Variants in CTNNA3 observed in about 807,000 individuals in gnomAD.
CTNNA3 encodes catenin alpha 3, also known as catenin alpha-3.
In CTNNA3, 76 loss-of-function variants were observed where a neutral mutation model predicts 95.7. That is an observed-to-expected ratio of 0.79 (90% CI 0.66 to 0.96). The LOEUF (loss-of-function observed/expected upper bound fraction) is 0.96. Among genes scored for constraint, CTNNA3 ranks in the 40% least tolerant of loss-of-function variants. CTNNA3 has a pLI of 0.00. For synonymous variants in CTNNA3, 431 were observed against 374.4 expected (o/e 1.15, Z -1.74); for missense variants, 1,191 against 1,089.8 (o/e 1.09, Z -1.31).
At chr10:65,956,736 C>T (rs1241303595) in intron 17 of CTNNA3, among the ~76,000 whole-genome samples, 5 of 152,202 alleles carry the variant, frequency 3.3e-5, no homozygotes, top group Admixed American at 6.5e-5. Context: ...AGTTTGATTG[C>T]ACTGTGGTCT....
At chr10:67,062,338 T>G (rs1211406548) in intron 7 of CTNNA3, among the ~76,000 whole-genome samples, 1 of 152,204 alleles carries the variant, frequency 6.6e-6, no homozygotes, top group Non-Finnish European at 1.5e-5. Context: ...CTTCTGTACA[T>G]GCCAGCAGTG....
chr10:66,697,397 C>A (rs554854869), intron 9 of CTNNA3, among the ~76,000 whole-genome samples: 5 of 148,312 alleles, frequency 3.4e-5, no homozygotes, highest in Admixed American at 1.3e-4. Context: ...CGCACACATA[C>A]AAACCTCCAA....
intron 7 of CTNNA3, among the ~76,000 whole-genome samples, chr10:67,164,090 A>T (rs888617411): frequency 2.9e-5 from 2 of 69,162 alleles, no homozygotes; most frequent in African/African-American, 8.9e-4. Context: ...AAAACCTAAG[A>T]AAAAAATTTT....
At chr10:67,310,414 T>C (rs1212439050) in intron 5 of CTNNA3, among the ~76,000 whole-genome samples, 6 of 152,184 alleles carry the variant, frequency 3.9e-5, no homozygotes, top group Non-Finnish European at 5.9e-5. Context: ...AACTTCTTTT[T>C]AAAAGCAAAG....
chr10:67,165,484 T>C (rs1162190237), intron 7 of CTNNA3, among the ~76,000 whole-genome samples: 3 of 152,210 alleles, frequency 2.0e-5, no homozygotes, highest in African/African-American at 7.2e-5. Context: ...ATATATGTGA[T>C]AAAACTATAT....
intron 1 of CTNNA3, among the ~76,000 whole-genome samples, chr10:67,739,888 T>C (rs1230912673): frequency 5.9e-5 from 9 of 152,094 alleles, no homozygotes; most frequent in Admixed American, 3.3e-4. Flanking sequence ...GGAGGCATCG[T>C]GCTACCTGAC....
intron 9 of CTNNA3, among the ~76,000 whole-genome samples, chr10:66,760,336 C>G (rs964953828): frequency 6.6e-6 from 1 of 152,150 alleles, no homozygotes. Context: ...TCAACTGCCT[C>G]TATCCCATCT....
chr10:67,385,696 T>C (rs1177384422), intron 5 of CTNNA3, among the ~76,000 whole-genome samples: 2 of 152,196 alleles, frequency 1.3e-5, no homozygotes, highest in East Asian at 3.8e-4. Flanking sequence ...CAAGGCTGCA[T>C]GTGAAACTTG....
At chr10:66,577,915 A>G (rs1843057619) in intron 10 of CTNNA3, among the ~76,000 whole-genome samples, 1 of 152,002 alleles carries the variant, frequency 6.6e-6, no homozygotes, top group Non-Finnish European at 1.5e-5. Context: ...TTTTGGCAGT[A>G]TGGTCACTTT....
chr10:67,372,001 C>G lies in CTNNA3; in HGVS notation c.579+149841G>C, dbSNP rs538449918. Among the ~76,000 whole-genome samples, 11 of 151,370 alleles carry G rather than the reference C, an allele frequency of 7.3e-5. No homozygotes were observed. The South Asian group carries it at 8.4e-4, about 12-fold the overall frequency. On this transcript the variant is annotated intron_variant, in intron 5 of 17. Transcript: ENST00000433211. ...CCAGTGATGATGAGCATTTTTTCAT[C>G]TGTCTGTTGGCTGCATAAATGTCTT...
At chr10:67,585,467 C>G (rs1195408220) in intron 3 of CTNNA3, among the ~76,000 whole-genome samples, 1 of 152,008 alleles carries the variant, frequency 6.6e-6, no homozygotes, top group African/African-American at 2.4e-5. Context: ...TGGTCCTGGG[C>G]TTTTCTTTTG....
intron 3 of CTNNA3, among the ~76,000 whole-genome samples, chr10:67,577,684 GTA>G (rs1323418233): frequency 3.5e-5 from 5 of 142,716 alleles, no homozygotes; most frequent in African/African-American, 1.4e-4. Flanking sequence ...GTGTGTATGT[GTA>G]TATATATACA....
chr10:66,936,298 A>G (rs1847689197), intron 7 of CTNNA3, among the ~76,000 whole-genome samples: 1 of 152,094 alleles, frequency 6.6e-6, no homozygotes, highest in South Asian at 2.1e-4. Flanking sequence ...CCAAAAGCTC[A>G]CATTATACGT....
chr10:67,257,619 C>T (rs1297019579), intron 5 of CTNNA3, among the ~76,000 whole-genome samples: 1 of 152,138 alleles, frequency 6.6e-6, no homozygotes, highest in African/African-American at 2.4e-5. Context: ...CCACAAAACG[C>T]AAGTACAAAG....
At chr10:67,065,365 C>A (rs558870724) in intron 7 of CTNNA3, among the ~76,000 whole-genome samples, 1 of 152,100 alleles carries the variant, frequency 6.6e-6, no homozygotes, top group South Asian at 2.1e-4. Context: ...AATGAGGAGG[C>A]TTTATAATTA....
intron 13 of CTNNA3, among the ~76,000 whole-genome samples, chr10:66,143,861 A>C (rs2083739219): frequency 6.6e-6 from 1 of 152,178 alleles, no homozygotes; most frequent in South Asian, 2.1e-4. Flanking sequence ...TTTATCTTAA[A>C]ACTTTAAACC....
At chr10:67,752,963 A>C (rs1195143540) in intron 1 of CTNNA3, among the ~76,000 whole-genome samples, 1 of 152,218 alleles carries the variant, frequency 6.6e-6, no homozygotes, top group African/African-American at 2.4e-5. Context: ...AAAAATTAGA[A>C]AAAACTACTT....
At chr10:66,436,522 TTTTTGC>T (rs1420527647) in intron 11 of CTNNA3, among the ~76,000 whole-genome samples, 4 of 126,316 alleles carry the variant, frequency 3.2e-5, no homozygotes, top group African/African-American at 1.7e-4. Context: ...TTTTTTTTTT[TTTTTGC>T]TTTCTATTTG....
chr10:67,539,729 T>G (rs557471232), intron 3 of CTNNA3, 60 bp from the exon 4 acceptor site: 1 of 1,480,476 alleles, frequency 6.8e-7, no homozygotes, highest in Non-Finnish European at 9.3e-7. Context: ...TATTTCAGGA[T>G]TTATCAGCTA....
Sources: allele counts gnomAD v4.1 joint callset (sites outside exome capture counted in the v4.1 genomes callset), GRCh38; gene constraint gnomAD v4.1.1; transcripts MANE v1.5; gene names NCBI Gene and HGNC (gene_info 2026-07-23, HGNC 2026-07-21).